Variants in CSMD2 observed in about 807,000 individuals in gnomAD.
CSMD2 encodes the protein CUB and sushi domain-containing protein 2.
Under a neutral mutation model 398.5 loss-of-function variants are expected in CSMD2, and 130 were observed. The ratio of observed to expected loss-of-function variants is 0.33; its 90% CI spans 0.28 to 0.38. CSMD2 has a LOEUF of 0.38. Ranked by LOEUF, CSMD2 falls within the 10% of genes least tolerant of loss-of-function variation. The pLI is 1.00. For synonymous variants in CSMD2, 1,828 were observed against 1,908.5 expected (o/e 0.96, Z 1.10); for missense variants, 3,829 against 4,764.9 (o/e 0.80, Z 5.78).
intron 3 of CSMD2, among the ~76,000 whole-genome samples, chr1:33,953,767 T>C (rs1026059045): frequency 6.6e-6 from 1 of 152,170 alleles, no homozygotes; most frequent in Non-Finnish European, 1.5e-5. Context: ...GAAAAGGGCC[T>C]TGCCTGTTCA....
chr1:33,962,286 A>C (rs906726545), intron 3 of CSMD2, among the ~76,000 whole-genome samples: 3 of 151,660 alleles, frequency 2.0e-5, no homozygotes, highest in Admixed American at 2.0e-4. Flanking sequence ...GGGGAGGGGG[A>C]GCGAGTTCTA....
intron 6 of CSMD2, among the ~76,000 whole-genome samples, chr1:33,846,065 T>C (rs533886192): frequency 1.5e-3 from 225 of 152,384 alleles, no homozygotes; most frequent in African/African-American, 5.1e-3. Flanking sequence ...TGTTTATCTC[T>C]ATAAATTTTG....
At chr1:34,106,727 A>T (rs1042737395) in intron 1 of CSMD2, among the ~76,000 whole-genome samples, 7 of 152,148 alleles carry the variant, frequency 4.6e-5, no homozygotes, top group Non-Finnish European at 8.8e-5. Flanking sequence ...CAAGCTGGGG[A>T]TGCATGCAAC....
At chr1:33,795,388 C>T (rs1654833660) in intron 10 of CSMD2, among the ~76,000 whole-genome samples, 1 of 152,162 alleles carries the variant, frequency 6.6e-6, no homozygotes, top group African/African-American at 2.4e-5. Flanking sequence ...TCTCACACTC[C>T]ACACTCCTGC....
intron 1 of CSMD2, among the ~76,000 whole-genome samples, chr1:34,123,124 A>C (rs974082879): frequency 2.0e-5 from 3 of 152,158 alleles, no homozygotes; most frequent in Admixed American, 6.5e-5. Context: ...GATAGGTTCA[A>C]AGTGGGGCTG....
At chr1:34,129,174 G>A (rs1663069985) in intron 1 of CSMD2, among the ~76,000 whole-genome samples, 2 of 152,270 alleles carry the variant, frequency 1.3e-5, no homozygotes, top group Admixed American at 6.5e-5. Flanking sequence ...AAGAATCTGT[G>A]TAAAGGTCTG....
intron 5 of CSMD2, among the ~76,000 whole-genome samples, chr1:33,852,851 C>CCATT (rs1638816103): frequency 6.6e-6 from 1 of 152,192 alleles, no homozygotes; most frequent in Non-Finnish European, 1.5e-5. Context: ...GCAACCATGC[C>CCATT]CATTCATTCA....
chr1:33,607,340 G>C (rs1640682427), intron 41 of CSMD2, among the ~76,000 whole-genome samples: 4 of 152,208 alleles, frequency 2.6e-5, no homozygotes, highest in Admixed American at 2.0e-4. Context: ...TTGAGAAAGA[G>C]TAAAGAGTTG....
intron 55 of CSMD2, among the ~76,000 whole-genome samples, chr1:33,553,781 GA>G (rs1221445412): frequency 6.6e-6 from 1 of 152,186 alleles, no homozygotes; most frequent in East Asian, 1.9e-4. Context: ...CCAACATGGA[GA>G]AAGTTTGAGT....
At chr1:34,055,942 A>G (rs1036171141) in intron 2 of CSMD2, among the ~76,000 whole-genome samples, 3 of 152,240 alleles carry the variant, frequency 2.0e-5, no homozygotes, top group Non-Finnish European at 4.4e-5. Context: ...GCAAGCCAAC[A>G]GTCAACCCAT....
intron 3 of CSMD2, among the ~76,000 whole-genome samples, chr1:34,000,553 T>C (rs1475885592): frequency 6.6e-6 from 1 of 151,850 alleles, no homozygotes; most frequent in Admixed American, 6.6e-5. Context: ...GGCCCCAGAG[T>C]TCTGCACACT....
At chr1:33,902,673 C>T (rs1642833929) in intron 5 of CSMD2, among the ~76,000 whole-genome samples, 1 of 152,174 alleles carries the variant, frequency 6.6e-6, no homozygotes, top group African/African-American at 2.4e-5. Context: ...TAAGTATCCC[C>T]CTCAGCCATA....
rs187972013 is a variant in CSMD2, at chr1:34,140,207, G to A, written c.187+24704C>T. On this transcript the variant is annotated intron_variant, in intron 1 of 70. Transcript: ENST00000373381. ...AATGATTTAGACTGCGGGGGCAGGG[G>A]GCCTTCTCTGAGGAAGTGAAACTTG... Among the ~76,000 whole-genome samples the A allele has an allele frequency of 6.6e-5, 10 of 151,278 alleles. No individual in the cohort carries two copies. The South Asian group carries it at 1.7e-3, about 25-fold the overall frequency.
intron 1 of CSMD2, among the ~76,000 whole-genome samples, chr1:34,092,004 T>C (rs1224457905): frequency 2.0e-5 from 3 of 152,176 alleles, no homozygotes; most frequent in African/African-American, 4.8e-5. Context: ...AAAGCTATTA[T>C]AGATAATATG....
intron 3 of CSMD2, among the ~76,000 whole-genome samples, chr1:33,962,414 T>C (rs1258680589): frequency 6.6e-6 from 1 of 151,114 alleles, no homozygotes; most frequent in Non-Finnish European, 1.5e-5. Flanking sequence ...CAAACACACA[T>C]GCTCTGTGGA....
At chr1:34,044,249 G>A (rs530496287) in intron 2 of CSMD2, among the ~76,000 whole-genome samples, 7 of 152,060 alleles carry the variant, frequency 4.6e-5, no homozygotes, top group African/African-American at 1.4e-4. Context: ...AATGTTCACC[G>A]GTTAAACAGA....
chr1:33,683,853 C>T (rs1308886763), intron 25 of CSMD2, among the ~76,000 whole-genome samples: 1 of 152,250 alleles, frequency 6.6e-6, no homozygotes, highest in East Asian at 1.9e-4. Context: ...GTGTGCTTCT[C>T]TGTTCAGTTC....
At chr1:33,854,355 C>CGAAT (rs977530431) in intron 5 of CSMD2, among the ~76,000 whole-genome samples, 5 of 152,088 alleles carry the variant, frequency 3.3e-5, no homozygotes, top group Non-Finnish European at 5.9e-5. Context: ...GATGATTGGC[C>CGAAT]GAATGAATGA....
At chr1:33,598,837 A>C (rs1315228719) in intron 44 of CSMD2, 2 of 151,898 alleles carry the variant, frequency 1.3e-5, no homozygotes, top group African/African-American at 4.8e-5. Context: ...ACGCCCATCT[A>C]ATTTTGTATT....
Sources: gnomAD v4.1 joint callset for allele counts (sites outside exome capture counted in the v4.1 genomes callset) on GRCh38, gnomAD v4.1.1 for gene constraint, MANE v1.5 for transcripts, NCBI Gene and HGNC (gene_info 2026-07-23, HGNC 2026-07-21) for gene names.